The following TOX variants were observed in gnomAD, a reference collection of about 807,000 sequenced individuals.
TOX encodes thymocyte selection associated high mobility group box.
A neutral mutation model predicts 53.7 loss-of-function variants in TOX; 11 were observed. The observed-to-expected ratio is 0.20, with a 90% CI of 0.13 to 0.34. The LOEUF is 0.34. TOX is among the 10% of genes least tolerant of loss of function. The pLI is 1.00. For synonymous variants in TOX, 225 were observed against 245.3 expected, an observed-to-expected ratio of 0.92 and a Z score of 0.77; for missense variants, 570 against 664.6, an observed-to-expected ratio of 0.86 and a Z score of 1.56.
Position 58,808,087 on chromosome 8 carries a change from C to T in TOX, c.1544+31G>A, listed in dbSNP as rs777298620. The T allele has an allele frequency of 9.4e-6, 15 of 1,596,260 alleles. 1 individual carries two copies. Among genetic ancestry groups the T allele is most frequent in the South Asian group, 8.0e-5 (7 of 87,554 alleles). On this transcript the variant is annotated intron_variant, in intron 8 of 8. Transcript: ENST00000361421. Reference sequence around the variant, plus strand: ...CGATATGCATGCTATGAGCGCTGTCCACCACCAGGTGGCGATGACCGGCCG... The same window carrying T: ...CGATATGCATGCTATGAGCGCTGTCTACCACCAGGTGGCGATGACCGGCCG...
intron 2 of TOX, among the ~76,000 whole-genome samples, chr8:58,958,735 A>T (rs187991159): frequency 6.6e-6 from 1 of 152,320 alleles, no homozygotes; most frequent in African/African-American, 2.4e-5. Context: ...TGTAGTCAGG[A>T]TCTTTGAACT....
chr8:58,943,115 C>T (rs1812468865), intron 2 of TOX, among the ~76,000 whole-genome samples: 1 of 152,134 alleles, frequency 6.6e-6, no homozygotes, highest in Admixed American at 6.5e-5. Flanking sequence ...TGCTCTGATC[C>T]CCTGAAGTGA....
At chr8:58,848,347 A>C (rs937639423) in intron 4 of TOX, among the ~76,000 whole-genome samples, 25 of 151,924 alleles carry the variant, frequency 1.6e-4, no homozygotes, top group African/African-American at 5.8e-4. Context: ...TTGTGGCATA[A>C]ACAGAAAGTA....
chr8:58,924,868 C>A (rs1372099484), intron 3 of TOX, among the ~76,000 whole-genome samples: 3 of 152,176 alleles, frequency 2.0e-5, no homozygotes. Context: ...TTCTTTTTGG[C>A]TTACTTGGCC....
At chr8:59,052,236 C>T (rs991406320) in intron 1 of TOX, among the ~76,000 whole-genome samples, 5 of 152,084 alleles carry the variant, frequency 3.3e-5, no homozygotes, top group African/African-American at 1.2e-4. Context: ...TAAATGTTTT[C>T]CTACAATTAA....
chr8:58,849,911 C>T (rs906449556), intron 4 of TOX, among the ~76,000 whole-genome samples: 4 of 152,114 alleles, frequency 2.6e-5, no homozygotes, highest in Admixed American at 2.0e-4. Flanking sequence ...CATTTGGGTT[C>T]AGGTACTCAT....
At chr8:59,057,767 T>G (rs1803910557) in intron 1 of TOX, among the ~76,000 whole-genome samples, 2 of 152,348 alleles carry the variant, frequency 1.3e-5, no homozygotes, top group Admixed American at 1.3e-4. Flanking sequence ...ACAAGCAATA[T>G]GTATTCCTTT....
At chr8:59,067,798 C>T (rs1183836665) in intron 1 of TOX, among the ~76,000 whole-genome samples, 1 of 151,962 alleles carries the variant, frequency 6.6e-6, no homozygotes, top group East Asian at 1.9e-4. Flanking sequence ...CTCCATTTTA[C>T]CTATTAATTT....
chr8:58,873,069 C>T (rs1811224568), intron 3 of TOX, among the ~76,000 whole-genome samples: 1 of 152,112 alleles, frequency 6.6e-6, no homozygotes, highest in Non-Finnish European at 1.5e-5. Context: ...AATAGTCAAG[C>T]TGTATGCTAA....
intron 1 of TOX, among the ~76,000 whole-genome samples, chr8:59,074,579 G>A (rs888914254): frequency 3.9e-5 from 6 of 152,014 alleles, no homozygotes; most frequent in Admixed American, 6.5e-5. Flanking sequence ...GCAATATTGC[G>A]TTAAAAAAAG....
intron 1 of TOX, among the ~76,000 whole-genome samples, chr8:58,966,067 G>A (rs1585929532): frequency 6.6e-6 from 1 of 152,082 alleles, no homozygotes; most frequent in Non-Finnish European, 1.5e-5. Context: ...CAGATCCAGT[G>A]AAAACTGAGC....
chr8:59,044,042 C>A (rs1375983812), intron 1 of TOX, among the ~76,000 whole-genome samples: 1 of 152,100 alleles, frequency 6.6e-6, no homozygotes, highest in African/African-American at 2.4e-5. Context: ...CCACCAAATT[C>A]TCTGTATATA....
At chr8:58,816,593 G>C (rs1219288035) in intron 6 of TOX, among the ~76,000 whole-genome samples, 1 of 152,088 alleles carries the variant, frequency 6.6e-6, no homozygotes, top group African/African-American at 2.4e-5. Context: ...ACAACCAAAG[G>C]TAGCAGGTAG....
chr8:58,954,339 ACT>A (rs1429530377), intron 2 of TOX, among the ~76,000 whole-genome samples: 2 of 152,120 alleles, frequency 1.3e-5, no homozygotes, highest in Non-Finnish European at 2.9e-5. Context: ...GCAATGGAAG[ACT>A]CTAAGTATTC....
intron 1 of TOX, among the ~76,000 whole-genome samples, chr8:58,974,164 G>A (rs1813052349): frequency 6.6e-6 from 1 of 152,168 alleles, no homozygotes; most frequent in African/African-American, 2.4e-5. Flanking sequence ...ATTTGACAAT[G>A]TCTGGAGGTA....
At chr8:58,814,770 GT>G (rs1469537168) in intron 7 of TOX, among the ~76,000 whole-genome samples, 9 of 152,282 alleles carry the variant, frequency 5.9e-5, no homozygotes, top group African/African-American at 1.2e-4. Flanking sequence ...AACAGCCTGT[GT>G]TTTTCAATTT....
At chr8:59,044,890 A>C (rs77724650) in intron 1 of TOX, among the ~76,000 whole-genome samples, 1,525 of 152,356 alleles carry the variant, frequency 0.01, 28 homozygotes, top group African/African-American at 0.035. Context: ...AATCATATGA[A>C]TAATCGGCTA....
intron 3 of TOX, among the ~76,000 whole-genome samples, chr8:58,915,485 G>A (rs922072204): frequency 1.7e-5 from 2 of 116,976 alleles, no homozygotes; most frequent in Non-Finnish European, 3.5e-5. Context: ...ACCTGCAGCT[G>A]AGGGTCCTGT....
At chr8:58,882,892 C>T (rs1811407125) in intron 3 of TOX, among the ~76,000 whole-genome samples, 2 of 152,150 alleles carry the variant, frequency 1.3e-5, no homozygotes, top group African/African-American at 4.8e-5. Context: ...CAGATAGGAT[C>T]TAGAATTCAT....
Sources: gnomAD v4.1 joint callset for allele counts (sites outside exome capture counted in the v4.1 genomes callset) on GRCh38, gnomAD v4.1.1 for gene constraint, MANE v1.5 for transcripts, NCBI Gene and HGNC (gene_info 2026-07-23, HGNC 2026-07-21) for gene names.